The following KCNH8 variants were observed in gnomAD, a reference collection of about 807,000 sequenced individuals.
KCNH8 encodes the protein voltage-gated delayed rectifier potassium channel KCNH8.
KCNH8 carries 70 observed loss-of-function variants against 103.6 expected under a neutral mutation model. That is an observed-to-expected ratio of 0.68 (90% CI 0.56 to 0.82). KCNH8 has a LOEUF of 0.82. Ranked by LOEUF, KCNH8 falls within the 40% of genes least tolerant of loss-of-function variation. KCNH8 has a pLI of 0.00. For synonymous variants in KCNH8, 498 were observed against 489.4 expected (o/e 1.02, Z -0.23); for missense variants, 1,217 against 1,329.9 (o/e 0.92, Z 1.32).
intron 1 of KCNH8, among the ~76,000 whole-genome samples, chr3:19,159,731 C>G (rs2063215920): frequency 6.6e-6 from 1 of 152,060 alleles, no homozygotes; most frequent in Admixed American, 6.6e-5. Flanking sequence ...TATCTAAACA[C>G]TTCAGATACG....
chr3:19,414,289 T>C (rs1222959232), intron 7 of KCNH8, among the ~76,000 whole-genome samples: 16 of 152,122 alleles, frequency 1.1e-4, no homozygotes, highest in Admixed American at 9.8e-4. Context: ...TGTCAATATT[T>C]ACTGATAAGT....
Position 19,513,345 on chromosome 3 carries a change from A to G in KCNH8, c.2435+20A>G, listed in dbSNP as rs1373455558. 2 of 1,559,306 alleles carry G rather than the reference A, an allele frequency of 1.3e-6. No individual in the cohort carries two copies. Among genetic ancestry groups the G allele is most frequent in the South Asian group, 2.5e-5 (2 of 80,566 alleles). ...TCCAAGGTAAGAGTTCATATCATAT[A>G]ACTTTCTCACGTGAACGTGGCTGCC... On this transcript the variant is annotated intron_variant, in intron 13 of 15. Coordinates refer to ENST00000328405, the MANE Select transcript of KCNH8 (RefSeq NM_144633.3).
chr3:19,361,111 TC>T (rs996820713), intron 5 of KCNH8, among the ~76,000 whole-genome samples: 3 of 152,028 alleles, frequency 2.0e-5, no homozygotes, highest in African/African-American at 7.2e-5. Context: ...TTCTAACAAT[TC>T]CTGTGCTCAG....
At chr3:19,335,445 GTA>G (rs1258575246) in intron 3 of KCNH8, among the ~76,000 whole-genome samples, 9 of 145,770 alleles carry the variant, frequency 6.2e-5, no homozygotes, top group Non-Finnish European at 1.0e-4. Context: ...ATGTGTGTGT[GTA>G]TATATATATG....
At chr3:19,201,727 A>G (rs2063665199) in intron 1 of KCNH8, among the ~76,000 whole-genome samples, 1 of 152,154 alleles carries the variant, frequency 6.6e-6, no homozygotes, top group Admixed American at 6.6e-5. Context: ...GATATTATCC[A>G]TTGAATTATC....
At position 19,240,900 on chromosome 3, in the gene KCNH8, C is replaced by G. The variant is rs563699187; in HGVS notation, c.77-12754C>G. 2.0e-5 allele frequency among the ~76,000 whole-genome samples: 3 copies of G among 152,168 alleles called. No individual in the cohort carries two copies. The South Asian group carries it at 6.2e-4, about 32-fold the overall frequency. On this transcript the variant is annotated intron_variant, in intron 1 of 15. Coordinates refer to ENST00000328405, the MANE Select transcript of KCNH8 (RefSeq NM_144633.3). ...CTTCTAAAAATGCCTCAGATATGACCACTTCTCACCACCTTCATTGGTATC... is the reference window on the plus strand; with the variant it reads ...CTTCTAAAAATGCCTCAGATATGACGACTTCTCACCACCTTCATTGGTATC...
intron 2 of KCNH8, among the ~76,000 whole-genome samples, chr3:19,257,460 T>C (rs2064361004): frequency 6.6e-6 from 1 of 152,028 alleles, no homozygotes; most frequent in South Asian, 2.1e-4. Flanking sequence ...TCTTCCTCAC[T>C]CTAGCTTGTT....
intron 11 of KCNH8, among the ~76,000 whole-genome samples, chr3:19,503,868 C>T (rs144166593): frequency 0.022 from 3,318 of 151,646 alleles, 68 homozygotes; most frequent in Non-Finnish European, 0.029. Context: ...GCATGGCACA[C>T]GTATACATAT....
chr3:19,419,945 C>A (rs1253888687), intron 7 of KCNH8, among the ~76,000 whole-genome samples: 1 of 152,040 alleles, frequency 6.6e-6, no homozygotes, highest in Non-Finnish European at 1.5e-5. Flanking sequence ...CTCAATGAAC[C>A]TGTGTTTAGT....
chr3:19,446,026 G>C (rs566970628), intron 8 of KCNH8, among the ~76,000 whole-genome samples: 1 of 151,812 alleles, frequency 6.6e-6, no homozygotes. Context: ...TGCACATTTA[G>C]AAAAGACTGG....
chr3:19,282,168 C>T (rs1249763514), intron 3 of KCNH8, among the ~76,000 whole-genome samples: 1 of 151,954 alleles, frequency 6.6e-6, no homozygotes, highest in Non-Finnish European at 1.5e-5. Context: ...TGATTGTTTT[C>T]AATACATTAT....
intron 15 of KCNH8, among the ~76,000 whole-genome samples, chr3:19,531,686 G>A (rs1330640747): frequency 6.6e-6 from 1 of 152,226 alleles, no homozygotes; most frequent in Admixed American, 6.5e-5. Context: ...GGACCTGCCA[G>A]GGAGAATTAG....
At chr3:19,343,076 T>C (rs2065682842) in intron 4 of KCNH8, among the ~76,000 whole-genome samples, 1 of 152,114 alleles carries the variant, frequency 6.6e-6, no homozygotes, top group Admixed American at 6.6e-5. Context: ...TTTCTCAAAT[T>C]TAATTTTAGT....
chr3:19,533,956 A>G lies in KCNH8; in HGVS notation c.3181A>G (p.Ser1061Gly). 6.2e-7 allele frequency: 1 copy of G among 1,614,152 alleles called. No individual in the cohort carries two copies. Among genetic ancestry groups the G allele is most frequent in the Non-Finnish European group, 8.5e-7 (1 of 1,180,008 alleles). ...GGGCAGCTTCAGTCAGGGAACTGTG[A>G]GTTCCTTCAGTCTGGAAAACTTACC... ...EEGSFSQGTV[S>G]SFSLENLPGS... Residue 1061 changes from serine to glycine, a missense_variant, in exon 16 of 16, where the codon AGT becomes GGT. Physicochemically the swap from Ser to Gly is moderately conservative, Grantham distance 56. Coordinates refer to ENST00000328405, the MANE Select transcript of KCNH8 (RefSeq NM_144633.3).
intron 3 of KCNH8, among the ~76,000 whole-genome samples, chr3:19,287,240 A>G (rs529095060): frequency 2.8e-4 from 42 of 152,308 alleles, no homozygotes; most frequent in African/African-American, 9.4e-4. Context: ...GGAGAGTATC[A>G]TTAAAGGAGA....
At position 19,480,370 on chromosome 3, in the gene KCNH8, C is replaced by T. The variant is rs910960832; in HGVS notation, c.2040+23388C>T. ...TTAGCATCCCATAAAAGGCTGGGTC[C>T]CAAACATTGTTACTATAGTATCTTC... is the stretch of plus-strand genomic sequence containing the variant. On this transcript the variant is annotated intron_variant, in intron 11 of 15. Transcript: ENST00000328405. Among the ~76,000 whole-genome samples the T allele has an allele frequency of 3.9e-5, 6 of 152,046 alleles. No homozygotes were observed. The East Asian group carries it at 9.6e-4, about 24-fold the overall frequency.
intron 7 of KCNH8, among the ~76,000 whole-genome samples, chr3:19,423,900 C>T (rs1421828971): frequency 2.0e-5 from 3 of 152,084 alleles, no homozygotes; most frequent in East Asian, 3.9e-4. Flanking sequence ...TTCCCACCAG[C>T]AGTGTAAAAG....
chr3:19,327,024 C>A (rs1222345502), intron 3 of KCNH8, among the ~76,000 whole-genome samples: 1 of 152,042 alleles, frequency 6.6e-6, no homozygotes, highest in Non-Finnish European at 1.5e-5. Flanking sequence ...TCTAAGATGT[C>A]TAGTTCTCTC....
intron 11 of KCNH8, among the ~76,000 whole-genome samples, chr3:19,496,835 GT>G (rs1371208895): frequency 6.6e-6 from 1 of 152,076 alleles, no homozygotes; most frequent in Non-Finnish European, 1.5e-5. Context: ...CCTGTTTTTG[GT>G]TGGTTGGCTT....
Sources: allele counts gnomAD v4.1 joint callset (sites outside exome capture counted in the v4.1 genomes callset), GRCh38; gene constraint gnomAD v4.1.1; transcripts MANE v1.5; gene names NCBI Gene and HGNC (gene_info 2026-07-23, HGNC 2026-07-21).